The following PTPRK variants were observed in gnomAD, a reference collection of about 807,000 sequenced individuals.
PTPRK encodes receptor-type tyrosine-protein phosphatase kappa.
PTPRK carries 75 observed loss-of-function variants against 178.0 expected under a neutral mutation model. The observed-to-expected ratio is 0.42, with a 90% CI of 0.35 to 0.51. The LOEUF (loss-of-function observed/expected upper bound fraction) is 0.51. PTPRK is among the 20% of genes least tolerant of loss of function. The probability of loss-of-function intolerance (pLI) is 0.02; values close to 1 mark genes in which losing one functional copy is unlikely to be tolerated. For missense variants in PTPRK, 1,441 were observed against 1,797.8 expected (o/e 0.80, Z 3.59); for synonymous variants, 637 against 620.6 (o/e 1.03, Z -0.39).
At chr6:128,256,427 T>C (rs1411070421) in intron 3 of PTPRK, among the ~76,000 whole-genome samples, 1 of 151,140 alleles carries the variant, frequency 6.6e-6, no homozygotes, top group Non-Finnish European at 1.5e-5. Context: ...AGAGAAAGAG[T>C]AGGCAAACTA....
rs148303338 is a variant in PTPRK, at chr6:128,321,326, A to C, written c.495+713T>G. 5 of 157,526 alleles carry C rather than the reference A, an allele frequency of 3.2e-5. 1 individual carries two copies. Among genetic ancestry groups the C allele is most frequent in the Middle Eastern group, 3.2e-3 (1 of 312 alleles). 9.8% of individuals were successfully genotyped at this position (157,526 alleles called of 1,614,324 possible). The stretch of plus-strand genomic sequence containing the variant: ...GGAACCTCATAGTGAGGGTTACTGA[A>C]CAAACTCTCCAAACTAGTAAATGAA... On this transcript the variant is annotated intron_variant, in intron 3 of 29. Transcript: ENST00000368226.
At chr6:128,207,816 TC>T (rs1252869385) in intron 6 of PTPRK, among the ~76,000 whole-genome samples, 1 of 152,130 alleles carries the variant, frequency 6.6e-6, no homozygotes, top group Non-Finnish European at 1.5e-5. Flanking sequence ...CACCCATTTT[TC>T]CCCTTTTCAC....
chr6:128,110,580 T>C (rs1790487414), intron 7 of PTPRK, among the ~76,000 whole-genome samples: 1 of 151,798 alleles, frequency 6.6e-6, no homozygotes, highest in African/African-American at 2.4e-5. Flanking sequence ...AGCACAGATA[T>C]TTATGCAGAA....
chr6:128,045,794 C>T lies in PTPRK; in HGVS notation c.2194+18964G>A, dbSNP rs913468088. 2.0e-5 allele frequency among the ~76,000 whole-genome samples: 3 copies of T among 152,044 alleles called. No homozygotes were observed. The East Asian group carries it at 5.8e-4, about 29-fold the overall frequency. ...ATTATAAGGAGGTTGATACCCATAC[C>T]CTCATGAACTTTACAGTCCAGTCCA... On this transcript the variant is annotated intron_variant, in intron 13 of 29. Transcript: ENST00000368226.
intron 25 of PTPRK, among the ~76,000 whole-genome samples, chr6:127,979,009 G>A (rs1774937338): frequency 6.6e-6 from 1 of 151,996 alleles, no homozygotes; most frequent in Non-Finnish European, 1.5e-5. Flanking sequence ...TTGAATCACA[G>A]GGGATTAAGC....
chr6:128,351,925 C>T (rs1424136691), intron 2 of PTPRK, among the ~76,000 whole-genome samples: 4 of 151,996 alleles, frequency 2.6e-5, no homozygotes, highest in Non-Finnish European at 5.9e-5. Context: ...TTACATTTTT[C>T]TATTGGGCCT....
intron 3 of PTPRK, among the ~76,000 whole-genome samples, chr6:128,298,889 G>A (rs1227879485): frequency 6.6e-6 from 1 of 152,090 alleles, no homozygotes; most frequent in East Asian, 1.9e-4. Flanking sequence ...GCAGGAGAAG[G>A]AAATAAAGGG....
intron 7 of PTPRK, among the ~76,000 whole-genome samples, chr6:128,145,012 G>C (rs1796277514): frequency 6.6e-6 from 1 of 152,112 alleles, no homozygotes; most frequent in African/African-American, 2.4e-5. Context: ...TTAACTGTCA[G>C]ATGTGGTGTT....
chr6:128,307,476 TC>T (rs1826595545), intron 3 of PTPRK, among the ~76,000 whole-genome samples: 4 of 140,306 alleles, frequency 2.9e-5, no homozygotes, highest in African/African-American at 2.7e-5. Context: ...AAAAAAAAAA[TC>T]AAAAAAAAAT....
At chr6:128,503,850 G>T (rs939339926) in intron 1 of PTPRK, among the ~76,000 whole-genome samples, 1 of 107,532 alleles carries the variant, frequency 9.3e-6, no homozygotes, top group Non-Finnish European at 2.2e-5. Flanking sequence ...TATTGTGTGT[G>T]TGTGTGTGTG....
At chr6:128,228,650 A>T (rs1244233626) in intron 5 of PTPRK, among the ~76,000 whole-genome samples, 1 of 99,980 alleles carries the variant, frequency 1.0e-5, no homozygotes, top group Non-Finnish European at 2.0e-5. Context: ...ACAGAGTGAG[A>T]CTCCATCTCA....
intron 1 of PTPRK, among the ~76,000 whole-genome samples, chr6:128,399,208 A>T (rs1288593290): frequency 6.6e-6 from 1 of 152,184 alleles, no homozygotes; most frequent in Non-Finnish European, 1.5e-5. Context: ...AAAAAAAGGA[A>T]TTTACTTTCC....
chr6:128,153,203 T>C (rs923891865), intron 7 of PTPRK, among the ~76,000 whole-genome samples: 5 of 151,594 alleles, frequency 3.3e-5, no homozygotes, highest in African/African-American at 4.8e-5. Context: ...GAAATCAAAA[T>C]CAAAGAAAGA....
At chr6:128,324,805 G>A (rs1459111317) in intron 2 of PTPRK, among the ~76,000 whole-genome samples, 2 of 152,058 alleles carry the variant, frequency 1.3e-5, no homozygotes, top group Non-Finnish European at 1.5e-5. Context: ...TAGGCACTAG[G>A]GAGGAAGCTG....
At chr6:128,360,546 A>G (rs1308460972) in intron 2 of PTPRK, among the ~76,000 whole-genome samples, 5 of 152,156 alleles carry the variant, frequency 3.3e-5, no homozygotes, top group African/African-American at 1.2e-4. Flanking sequence ...AAAGAGTATT[A>G]ACCTAATAAG....
intron 7 of PTPRK, among the ~76,000 whole-genome samples, chr6:128,169,783 A>G (rs972545158): frequency 3.6e-4 from 53 of 145,542 alleles, no homozygotes; most frequent in African/African-American, 1.3e-3. Context: ...TATTTTTTTA[A>G]TGTGTGTGTG....
At chr6:128,502,822 A>G (rs1266714583) in intron 1 of PTPRK, among the ~76,000 whole-genome samples, 1 of 152,184 alleles carries the variant, frequency 6.6e-6, no homozygotes, top group East Asian at 1.9e-4. Context: ...GTACTAAATA[A>G]GGGTGTGTTA....
intron 6 of PTPRK, among the ~76,000 whole-genome samples, chr6:128,206,416 A>G (rs1806979852): frequency 6.6e-6 from 1 of 151,426 alleles, no homozygotes; most frequent in Non-Finnish European, 1.5e-5. Context: ...TAAAAAAAAA[A>G]AAAAAAAAAA....
intron 29 of PTPRK, 82 bp from the exon 30 acceptor site, chr6:127,970,362 C>T (rs1773768104): frequency 5.4e-6 from 6 of 1,116,154 alleles, no homozygotes; most frequent in Middle Eastern, 2.0e-4. Context: ...TGAAACTTGA[C>T]AACCAATTTA....
Sources: gnomAD v4.1 joint callset for allele counts (sites outside exome capture counted in the v4.1 genomes callset) on GRCh38, gnomAD v4.1.1 for gene constraint, MANE v1.5 for transcripts, NCBI Gene and HGNC (gene_info 2026-07-23, HGNC 2026-07-21) for gene names.